ELP4: variants seen among roughly 807,000 people sequenced by gnomAD.
ELP4 encodes elongator acetyltransferase complex subunit 4, also known as elongator complex protein 4.
ELP4 carries 51 observed loss-of-function variants against 48.9 expected under a neutral mutation model. That is an observed-to-expected ratio of 1.04 (90% CI 0.83 to 1.32). The LOEUF (loss-of-function observed/expected upper bound fraction) is 1.32, where lower values mean the gene tolerates loss of function less well. Ranked by LOEUF, ELP4 falls within the 40% of genes most tolerant of loss-of-function variation. The pLI is 0.00. For synonymous variants in ELP4, 210 were observed against 189.2 expected (o/e 1.11, Z -0.90); for missense variants, 519 against 514.6 (o/e 1.01, Z -0.08).
chr11:31,549,265 A>G (rs1367050804), intron 3 of ELP4, among the ~76,000 whole-genome samples: 2 of 151,908 alleles, frequency 1.3e-5, no homozygotes, highest in African/African-American at 4.8e-5. Context: ...TCCAGAATCT[A>G]CAATGAACTC....
At chr11:31,665,951 A>G (rs1405986454) in intron 9 of ELP4, among the ~76,000 whole-genome samples, 5 of 150,726 alleles carry the variant, frequency 3.3e-5, no homozygotes, top group Admixed American at 3.3e-4. Flanking sequence ...CAAGGTGCCC[A>G]GCCTAATTCT....
rs1212967030 is a variant in ELP4 at position 31,509,948 on chromosome 11, C to T, written c.164C>T (p.Ser55Leu). 3 of 1,613,260 alleles carry T rather than the reference C, an allele frequency of 1.9e-6. No homozygotes were observed. Among genetic ancestry groups the T allele is most frequent in the Non-Finnish European group, 2.5e-6 (3 of 1,180,042 alleles). Residue 55 changes from serine to leucine, a missense_variant, in exon 1 of 10, where the codon TCG (serine) becomes TTG (leucine). By Grantham distance (145) the Ser-to-Leu change is moderately radical. Coordinates refer to ENST00000640961, the MANE Select transcript of ELP4 (RefSeq NM_019040.5). ...RLVSIAGTRP[S>L]VRNGQLLVST... ...GTGTCCATTGCGGGCACGCGACCGTCGGTGCGGAATGGACAGCTGCTGGTA... is the reference window on the plus strand; with the variant it reads ...GTGTCCATTGCGGGCACGCGACCGTTGGTGCGGAATGGACAGCTGCTGGTA...
chr11:31,531,857 T>G (rs1298352314), intron 2 of ELP4, among the ~76,000 whole-genome samples: 1 of 151,960 alleles, frequency 6.6e-6, no homozygotes, highest in Non-Finnish European at 1.5e-5. Flanking sequence ...CAGGGACCAA[T>G]TGGGAGGCTG....
chr11:31,717,476 C>T (rs958475804), intron 9 of ELP4, among the ~76,000 whole-genome samples: 2 of 152,124 alleles, frequency 1.3e-5, no homozygotes, highest in Non-Finnish European at 2.9e-5. Context: ...AAATTTATGG[C>T]CAGGCACAAT....
chr11:31,734,616 G>A (rs985016663), intron 9 of ELP4, among the ~76,000 whole-genome samples: 1 of 152,088 alleles, frequency 6.6e-6, no homozygotes, highest in African/African-American at 2.4e-5. Context: ...CATTTACAAG[G>A]CATAAACATG....
chr11:31,579,719 G>A (rs1212206439), intron 3 of ELP4, among the ~76,000 whole-genome samples: 2 of 149,650 alleles, frequency 1.3e-5, no homozygotes, highest in Non-Finnish European at 3.0e-5. Context: ...CTCACTCATA[G>A]GTGGGAATTG....
At chr11:31,519,800 A>C (rs903698486) in intron 1 of ELP4, among the ~76,000 whole-genome samples, 1 of 151,788 alleles carries the variant, frequency 6.6e-6, no homozygotes, top group African/African-American at 2.4e-5. Flanking sequence ...ACTGCACTCC[A>C]GCGTGATCAA....
At chr11:31,742,060 T>C (rs1197812076) in intron 9 of ELP4, among the ~76,000 whole-genome samples, 2 of 152,066 alleles carry the variant, frequency 1.3e-5, no homozygotes, top group African/African-American at 4.8e-5. Context: ...AATCACCTGA[T>C]AGAGCTGAAA....
intron 9 of ELP4, among the ~76,000 whole-genome samples, chr11:31,698,616 T>C (rs1002122592): frequency 9.9e-5 from 15 of 152,126 alleles, no homozygotes; most frequent in African/African-American, 3.1e-4. Context: ...TTTCAACATA[T>C]TGGCCAGGCT....
At chr11:31,582,658 A>C (rs941317651) in intron 3 of ELP4, among the ~76,000 whole-genome samples, 1 of 152,164 alleles carries the variant, frequency 6.6e-6, no homozygotes, top group Non-Finnish European at 1.5e-5. Flanking sequence ...TTCATATTCA[A>C]GAGTGAGGGA....
chr11:31,682,820 G>A (rs1168092695), intron 9 of ELP4, among the ~76,000 whole-genome samples: 2 of 152,144 alleles, frequency 1.3e-5, no homozygotes, highest in Admixed American at 6.5e-5. Flanking sequence ...GCTACAGAAG[G>A]AAGATATTTG....
chr11:31,519,362 C>T (rs1956173291), intron 1 of ELP4, among the ~76,000 whole-genome samples: 1 of 152,108 alleles, frequency 6.6e-6, no homozygotes, highest in Non-Finnish European at 1.5e-5. Flanking sequence ...CTTTGTTGTA[C>T]TTCTGTAGTA....
At chr11:31,694,524 C>G (rs1026703942) in intron 9 of ELP4, among the ~76,000 whole-genome samples, 1 of 152,034 alleles carries the variant, frequency 6.6e-6, no homozygotes, top group African/African-American at 2.4e-5. Context: ...TGGTCTATAT[C>G]TCTGTTTTGG....
intron 9 of ELP4, among the ~76,000 whole-genome samples, chr11:31,696,517 A>G (rs1429328434): frequency 6.6e-6 from 1 of 152,138 alleles, no homozygotes; most frequent in Non-Finnish European, 1.5e-5. Context: ...GTTTGATTGC[A>G]CTGTGGTCTG....
intron 9 of ELP4, among the ~76,000 whole-genome samples, chr11:31,722,771 T>A (rs1946996610): frequency 6.6e-6 from 1 of 151,880 alleles, no homozygotes; most frequent in Non-Finnish European, 1.5e-5. Context: ...ATTTATTTGC[T>A]AATTAAGGTC....
intron 9 of ELP4, among the ~76,000 whole-genome samples, chr11:31,778,852 T>C (rs899468112): frequency 6.6e-6 from 1 of 152,168 alleles, no homozygotes; most frequent in Admixed American, 6.5e-5. Context: ...TTTGTTTTTG[T>C]TTGTTTGTTT....
At chr11:31,691,967 C>T (rs571515805) in intron 9 of ELP4, among the ~76,000 whole-genome samples, 2 of 152,154 alleles carry the variant, frequency 1.3e-5, no homozygotes, top group South Asian at 2.1e-4. Context: ...TGGCCTCATT[C>T]AAACCAATAG....
At chr11:31,549,060 C>T (rs1400883819) in intron 3 of ELP4, among the ~76,000 whole-genome samples, 4 of 152,022 alleles carry the variant, frequency 2.6e-5, no homozygotes, top group African/African-American at 4.8e-5. Context: ...CAATACCATT[C>T]AGGACATAGG....
intron 9 of ELP4, among the ~76,000 whole-genome samples, chr11:31,746,829 G>A (rs931026791): frequency 1.3e-5 from 2 of 151,844 alleles, no homozygotes; most frequent in African/African-American, 2.4e-5. Context: ...CATGGCACAC[G>A]TATACATATG....
Sources: allele counts gnomAD v4.1 joint callset (sites outside exome capture counted in the v4.1 genomes callset), GRCh38; gene constraint gnomAD v4.1.1; transcripts MANE v1.5; gene names NCBI Gene and HGNC (gene_info 2026-07-23, HGNC 2026-07-21).